The following ATP2B2 variants were observed in gnomAD, a reference collection of about 807,000 sequenced individuals.
ATP2B2 encodes the protein plasma membrane calcium-transporting ATPase 2.
In ATP2B2, 15 loss-of-function variants were observed where a neutral mutation model predicts 120.0. The ratio of observed to expected loss-of-function variants is 0.12; its 90% CI spans 0.08 to 0.19. The LOEUF is 0.19. ATP2B2 is among the 10% of genes least tolerant of loss of function. The pLI is 1.00. For synonymous variants in ATP2B2, 694 were observed against 700.3 expected (o/e 0.99, Z 0.14); for missense variants, 1,045 against 1,719.8 (o/e 0.61, Z 6.94).
At chr3:10,532,040 G>T (rs1298122008) in intron 3 of ATP2B2, among the ~76,000 whole-genome samples, 1 of 148,658 alleles carries the variant, frequency 6.7e-6, no homozygotes, top group African/African-American at 2.5e-5. Context: ...TTTCTGATGT[G>T]CCCCTCACCC....
intron 3 of ATP2B2, among the ~76,000 whole-genome samples, chr3:10,406,212 G>A (rs2062405059): frequency 6.6e-6 from 1 of 152,226 alleles, no homozygotes. Flanking sequence ...CTGTTCATCA[G>A]GGGGCATCCA....
chr3:10,630,292 T>C (rs1475240982), intron 1 of ATP2B2, among the ~76,000 whole-genome samples: 2 of 152,338 alleles, frequency 1.3e-5, no homozygotes, highest in African/African-American at 4.8e-5. Context: ...CATTAGTTAC[T>C]TTTCCTGATG....
chr3:10,678,626 G>A (rs2071305539), intron 1 of ATP2B2, among the ~76,000 whole-genome samples: 1 of 152,180 alleles, frequency 6.6e-6, no homozygotes, highest in South Asian at 2.1e-4. Flanking sequence ...AAGAGCTCCT[G>A]GAAGCAGGGA....
intron 1 of ATP2B2, 85 bp from the exon 2 acceptor site, chr3:10,449,947 G>A (rs1327997231): frequency 1.5e-5 from 5 of 344,772 alleles, no homozygotes; most frequent in South Asian, 7.4e-5. Flanking sequence ...CCAGGCACAC[G>A]CACAGCAACC....
At chr3:10,704,051 T>A (rs184269051) in intron 1 of ATP2B2, among the ~76,000 whole-genome samples, 1 of 152,108 alleles carries the variant, frequency 6.6e-6, no homozygotes, top group Non-Finnish European at 1.5e-5. Context: ...TACCCCATCT[T>A]CCCCTCACTC....
intron 13 of ATP2B2, among the ~76,000 whole-genome samples, chr3:10,359,619 G>A (rs2125449276): frequency 6.6e-6 from 1 of 152,348 alleles, no homozygotes; most frequent in Middle Eastern, 3.4e-3. Flanking sequence ...GCTTAGGGAG[G>A]AGAAGGGGGA....
chr3:10,460,158 G>A (rs1250456472), intron 1 of ATP2B2, among the ~76,000 whole-genome samples: 1 of 152,210 alleles, frequency 6.6e-6, no homozygotes, highest in Non-Finnish European at 1.5e-5. Context: ...GCTGGGGAGG[G>A]ATTGGATAGC....
chr3:10,443,801 A>G (rs2063746732), intron 2 of ATP2B2, among the ~76,000 whole-genome samples: 1 of 152,208 alleles, frequency 6.6e-6, no homozygotes. Flanking sequence ...ATGCTCAGCA[A>G]ATACTGGGCC....
At chr3:10,464,583 C>T (rs1051674661) in intron 1 of ATP2B2, among the ~76,000 whole-genome samples, 8 of 152,160 alleles carry the variant, frequency 5.3e-5, no homozygotes, top group African/African-American at 1.9e-4. Flanking sequence ...TCTCAGGGTC[C>T]CTAGATCTGC....
intron 2 of ATP2B2, among the ~76,000 whole-genome samples, chr3:10,434,060 T>G (rs2063403535): frequency 1.3e-5 from 2 of 152,172 alleles, no homozygotes; most frequent in Non-Finnish European, 2.9e-5. Context: ...TTATTTGAAT[T>G]AGTAAATGAA....
intron 2 of ATP2B2, among the ~76,000 whole-genome samples, chr3:10,540,559 G>C (rs1336813556): frequency 6.6e-6 from 1 of 152,088 alleles, no homozygotes; most frequent in East Asian, 1.9e-4. Flanking sequence ...ATGAGTTAAT[G>C]TCCTTTGTAG....
chr3:10,562,745 C>T (rs1018938732), intron 2 of ATP2B2, among the ~76,000 whole-genome samples: 7 of 152,216 alleles, frequency 4.6e-5, no homozygotes, highest in Admixed American at 4.6e-4. Context: ...AGAATATTCA[C>T]TGCAACGTTG....
intron 1 of ATP2B2, among the ~76,000 whole-genome samples, chr3:10,706,253 C>T (rs1159606752): frequency 1.3e-5 from 2 of 152,124 alleles, no homozygotes; most frequent in African/African-American, 4.8e-5. Flanking sequence ...CCAATAGTAC[C>T]CCTGGGGGAA....
At chr3:10,461,739 G>A (rs1161232344) in intron 1 of ATP2B2, among the ~76,000 whole-genome samples, 1 of 152,096 alleles carries the variant, frequency 6.6e-6, no homozygotes, top group African/African-American at 2.4e-5. Flanking sequence ...CCTTCCTCTT[G>A]TAGCCCACAC....
intron 15 of ATP2B2, 66 bp downstream of exon 15, chr3:10,350,332 G>A (rs897463444): frequency 6.8e-6 from 11 of 1,607,316 alleles, no homozygotes; most frequent in Middle Eastern, 1.6e-4. Flanking sequence ...CAATCATGCA[G>A]CACCCTACCT....
At chr3:10,548,066 C>A (rs1047822023) in intron 2 of ATP2B2, among the ~76,000 whole-genome samples, 1 of 152,172 alleles carries the variant, frequency 6.6e-6, no homozygotes, top group African/African-American at 2.4e-5. Flanking sequence ...ATGGCTGTGT[C>A]CCAGCACCTG....
intron 2 of ATP2B2, among the ~76,000 whole-genome samples, chr3:10,564,658 T>C (rs1357034813): frequency 6.6e-6 from 1 of 152,226 alleles, no homozygotes; most frequent in African/African-American, 2.4e-5. Flanking sequence ...TCCTAATTCT[T>C]AGAGGCCTTG....
At chr3:10,459,326 C>T (rs1236462024) in intron 1 of ATP2B2, among the ~76,000 whole-genome samples, 1 of 152,212 alleles carries the variant, frequency 6.6e-6, no homozygotes, top group Non-Finnish European at 1.5e-5. Flanking sequence ...CAGATCCAGA[C>T]AAGATAGCCT....
intron 2 of ATP2B2, among the ~76,000 whole-genome samples, chr3:10,545,784 G>C (rs746662264): frequency 6.6e-6 from 1 of 152,058 alleles, no homozygotes; most frequent in African/African-American, 2.4e-5. Flanking sequence ...CAAGTCCTAG[G>C]GGATTAGTTA....
Sources: allele counts gnomAD v4.1 joint callset (sites outside exome capture counted in the v4.1 genomes callset), GRCh38; gene constraint gnomAD v4.1.1; transcripts MANE v1.5; gene names NCBI Gene and HGNC (gene_info 2026-07-23, HGNC 2026-07-21).